PPM1K: variants seen among roughly 807,000 people sequenced by gnomAD.
PPM1K encodes protein phosphatase Mn(2+)-dependent 1K.
A neutral mutation model predicts 32.6 loss-of-function variants in PPM1K; 19 were observed. The ratio of observed to expected loss-of-function variants is 0.58; its 90% confidence interval spans 0.41 to 0.86. PPM1K has a LOEUF of 0.86. Ranked by LOEUF, PPM1K falls within the 40% of genes least tolerant of loss-of-function variation. PPM1K has a pLI of 0.00. For synonymous variants in PPM1K, 159 were observed against 165.3 expected (o/e 0.96, Z 0.29); for missense variants, 362 against 461.2 (o/e 0.78, Z 1.97).
At chr4:88,281,585 C>T (rs1732008907) in intron 1 of PPM1K, among the ~76,000 whole-genome samples, 1 of 152,142 alleles carries the variant, frequency 6.6e-6, no homozygotes, top group African/African-American at 2.4e-5. Flanking sequence ...AAACCACCTA[C>T]TTTAAGGCAT....
Position 88,268,282 on chromosome 4 carries a change from C to G in PPM1K, c.760G>C (p.Val254Leu), listed in dbSNP as rs149542046. The G allele has an allele frequency of 9.3e-6, 15 of 1,613,972 alleles. No homozygotes were observed. In the East Asian group the frequency reaches 3.1e-4, roughly 34 times the overall value. ...CTTGTCATTGCAAGCCTGCCATTTA[C>G]GTGAGGCTGCCCCAAACTATTCCAA... ...VAWNSLGQPH[V>L]NGRLAMTRSI... Residue 254 changes from valine to leucine, a missense_variant, in exon 5 of 7, where the codon GTA (valine) becomes CTA (leucine). Val to Leu is a conservative substitution (Grantham distance 32, BLOSUM62 1). Transcript: ENST00000608933.
At chr4:88,277,874 C>T (rs1731846029) in intron 2 of PPM1K, 1 of 506,630 alleles carries the variant, frequency 2.0e-6, no homozygotes, top group Non-Finnish European at 3.6e-6. Flanking sequence ...ATCTCATGTA[C>T]ATTATGCCAC....
intron 3 of PPM1K, among the ~76,000 whole-genome samples, chr4:88,271,376 C>A (rs968155243): frequency 1.3e-5 from 2 of 152,150 alleles, no homozygotes; most frequent in Non-Finnish European, 2.9e-5. Context: ...TCAATTATTC[C>A]AAAACTCAGT....
rs753095031 is a variant in PPM1K at position 88,278,438 on chromosome 4, C to T, written c.146G>A (p.Arg49Gln). The change falls in exon 2 of 7, where the codon CGG becomes CAG. Residue 49 changes from arginine to glutamine, a missense_variant. Transcript: ENST00000608933. The surrounding 1 kb of genome is among the most constrained non-coding windows in gnomAD (Gnocchi z 4.2). The stretch of plus-strand genomic sequence containing the variant: ...ACTCCCACTACCATCTGGGTCAAAC[C>T]GAGAACACCTAGGCTCTGAAGTGGA... ...HSSTSEPRCS[R>Q]FDPDGSGSPA... 1.1e-5 allele frequency: 17 copies of T among 1,614,054 alleles called. No individual in the cohort carries two copies. Among genetic ancestry groups the T allele is most frequent in the South Asian group, 3.3e-5 (3 of 91,080 alleles).
intron 1 of PPM1K, chr4:88,279,457 T>C (rs1406465709): frequency 6.6e-6 from 1 of 152,198 alleles, no homozygotes; most frequent in Non-Finnish European, 1.5e-5. Flanking sequence ...CTCAGGAACC[T>C]GGCAGCACTG....
At position 88,257,779 on chromosome 4, in the gene PPM1K, T is replaced by C. The variant is rs947300924; in HGVS notation, c.*4816A>G. On this transcript the variant is annotated 3_prime_UTR_variant, in exon 7 of 7. Transcript: ENST00000608933. ...AGTCATTATACACTCAGGTAGTACT[T>C]TGGTAAATTACAAAACAAATGTACA... The C allele has an allele frequency of 6.6e-6, 1 of 152,214 alleles. No homozygotes were observed. The highest frequency in any genetic ancestry group is 2.4e-5 in the African/African-American group (1 of 41,452). The allele number at this position is 152,214 out of a possible 1,614,324, so 9.4% of individuals were successfully genotyped here.
At chr4:88,270,026 T>C (rs1731491773) in intron 3 of PPM1K, among the ~76,000 whole-genome samples, 1 of 152,250 alleles carries the variant, frequency 6.6e-6, no homozygotes, top group Non-Finnish European at 1.5e-5. Flanking sequence ...GCAGGTATTG[T>C]CTTTAGTAAC....
intron 3 of PPM1K, among the ~76,000 whole-genome samples, chr4:88,272,167 A>T (rs901542694): frequency 1.3e-5 from 2 of 151,180 alleles, no homozygotes; most frequent in Non-Finnish European, 2.9e-5. Context: ...TAGACTCATG[A>T]CTCATGAACA....
At chr4:88,281,429 G>C (rs1732000380) in intron 1 of PPM1K, among the ~76,000 whole-genome samples, 1 of 151,936 alleles carries the variant, frequency 6.6e-6, no homozygotes, top group Non-Finnish European at 1.5e-5. Flanking sequence ...ATATCCACTG[G>C]AAACATTTTT....
At position 88,277,181 on chromosome 4, in the gene PPM1K, T is replaced by A. The variant is rs775637239; in HGVS notation, c.503A>T (p.Asp168Val). ...TLLTLAFLEI[D>V]KAFSSHARLS... Reference sequence around the variant, plus strand: ...GCGGGCATGACTCGAAAAGGCTTTATCTATTTCTAGAAAAGCCAAGGTCAA... The same window carrying A: ...GCGGGCATGACTCGAAAAGGCTTTAACTATTTCTAGAAAAGCCAAGGTCAA... Residue 168 changes from aspartate (D) to valine (V), a missense_variant, in exon 3 of 7, where the codon GAT (aspartate) becomes GTT (valine). Asp to Val is a radical substitution (Grantham distance 152, BLOSUM62 -3). Transcript: ENST00000608933. The A allele has an allele frequency of 9.3e-6, 15 of 1,614,072 alleles. No individual in the cohort carries two copies. The highest frequency in any genetic ancestry group is 1.1e-5 in the Non-Finnish European group (13 of 1,179,946).
Position 88,268,432 on chromosome 4 carries a change from C to T in PPM1K, c.708-98G>A, listed in dbSNP as rs1451086979. ...GGTCAGGAGATCGAGACCATCCTGG[C>T]TAACACGGTGAAACCCCGTCTCTAC... On this transcript the variant is annotated intron_variant, in intron 4 of 6. Coordinates refer to ENST00000608933, the MANE Select transcript of PPM1K (RefSeq NM_152542.5). 1.2e-5 allele frequency: 16 copies of T among 1,382,550 alleles called. No homozygotes were observed. The East Asian group carries it at 2.8e-4, about 24-fold the overall frequency. 85.6% of individuals were successfully genotyped at this position (1,382,550 alleles called of 1,614,324 possible).
chr4:88,269,562 A>C (rs1048607803), intron 3 of PPM1K, among the ~76,000 whole-genome samples: 1 of 152,244 alleles, frequency 6.6e-6, no homozygotes, highest in Non-Finnish European at 1.5e-5. Context: ...GACGTGAAAC[A>C]AAGTTACAAC....
chr4:88,265,478 C>T (rs1018268502), intron 5 of PPM1K, among the ~76,000 whole-genome samples: 5 of 152,204 alleles, frequency 3.3e-5, no homozygotes, highest in Admixed American at 6.5e-5. Context: ...CATGACTTTG[C>T]TCCTCTTTCA....
rs986866038 is a variant in PPM1K at position 88,275,930 on chromosome 4, T to G, written c.541+1213A>C. On this transcript the variant is annotated intron_variant, in intron 3 of 6. Transcript: ENST00000608933. ...AGGAAAAAGAAAAATTCCAAAGGAA[T>G]GAAAGAAAAGAAAATGGGCCTAAAT... 3.0e-6 allele frequency: 3 copies of G among 985,186 alleles called. No individual in the cohort carries two copies. In the Admixed American group the frequency reaches 1.8e-4, roughly 61 times the overall value. The allele number at this position is 985,186 out of a possible 1,614,324, so 61.0% of individuals were successfully genotyped here. A position where few individuals can be genotyped will look rare whatever the true frequency, so the allele number is the denominator to read the frequency against.
At chr4:88,274,917 G>A (rs1409425016) in intron 3 of PPM1K, 10 of 307,934 alleles carry the variant, frequency 3.2e-5, no homozygotes, top group Admixed American at 6.5e-5. Context: ...AACACAGACC[G>A]ATAAGAATAT....
chr4:88,275,423 C>A, intron 3 of PPM1K: 5 of 984,402 alleles, frequency 5.1e-6, no homozygotes, highest in South Asian at 4.7e-5. Flanking sequence ...TCTTTAAGTT[C>A]AAAATTCTGT....
In PPM1K at chr4:88,276,829, T is replaced by C. The variant is rs938515348; in HGVS notation, c.541+314A>G. The C allele has an allele frequency of 4.9e-6, 5 of 1,027,482 alleles. No individual in the cohort carries two copies. In the African/African-American group the frequency reaches 6.8e-5, roughly 14 times the overall value. 63.6% of individuals were successfully genotyped at this position (1,027,482 alleles called of 1,614,324 possible). A position where few individuals can be genotyped will look rare whatever the true frequency, so the allele number is the denominator to read the frequency against. ...CAAAACTCATAGTATGGACATTTTG[T>C]CCATAAAATAAGCAAACAGATTAAA... On this transcript the variant is annotated intron_variant, in intron 3 of 6. Coordinates refer to ENST00000608933, the MANE Select transcript of PPM1K (RefSeq NM_152542.5).
chr4:88,265,132 GT>G lies in PPM1K; in HGVS notation c.855del (p.Leu285PhefsTer20). The stretch of plus-strand genomic sequence containing the variant: ...ACCAGGAAGCTGTCATCAGCATGAT[GT>G]AACTGCAATCAGAACCAAATGCCTA... ...IAEPETKRIK[L>X]HHADDSFLVL... On this transcript the variant is annotated frameshift_variant and splice_region_variant, in exon 6 of 7. Transcript: ENST00000608933. LOFTEE classifies it high-confidence loss of function. 1 of 1,614,204 alleles carries G rather than the reference GT, an allele frequency of 6.2e-7. No individual in the cohort carries two copies. The highest frequency in any genetic ancestry group is 2.2e-5 in the East Asian group (1 of 44,884).
Position 88,268,893 on chromosome 4 carries a change from G to A in PPM1K, c.555C>T (p.Thr185=), listed in dbSNP as rs1731445483. ...ARLSADATLL[T]SGTTATVALL... is the part of the protein sequence containing the mutation. ...GGGCTACTGTTGCAGTAGTCCCAGA[G>A]GTCAGAAGAGTTGCTACAAGTATTA... is the stretch of plus-strand genomic sequence containing the variant. The change falls in exon 4 of 7, where the codon ACC becomes ACT. Residue 185 remains threonine, a synonymous_variant. Coordinates refer to ENST00000608933, the MANE Select transcript of PPM1K (RefSeq NM_152542.5). 1 of 1,607,342 alleles carries A rather than the reference G, an allele frequency of 6.2e-7. No homozygotes were observed. The highest frequency in any genetic ancestry group is 1.3e-5 in the African/African-American group (1 of 74,480).
Sources: gnomAD v4.1 joint callset for allele counts (sites outside exome capture counted in the v4.1 genomes callset) on GRCh38, gnomAD v4.1.1 for gene constraint, Gnocchi (gnomAD v3.1) non-coding constraint, MANE v1.5 for transcripts, NCBI Gene and HGNC (gene_info 2026-07-23, HGNC 2026-07-21) for gene names.